Variants in DTNA observed in about 807,000 individuals in gnomAD.
DTNA encodes the protein dystrophin-related protein 3.
Under a neutral mutation model 100.7 loss-of-function variants are expected in DTNA, and 43 were observed. The ratio of observed to expected loss-of-function variants is 0.43; its 90% CI spans 0.33 to 0.55. The LOEUF (loss-of-function observed/expected upper bound fraction) is 0.55, where lower values mean the gene tolerates loss of function less well. Ranked by LOEUF, DTNA falls within the 20% of genes least tolerant of loss-of-function variation. The pLI, the probability that DTNA is intolerant of heterozygous loss-of-function variation, is 0.04. For synonymous variants in DTNA, 349 were observed against 347.9 expected (o/e 1.00, Z -0.04); for missense variants, 798 against 953.9 (o/e 0.84, Z 2.15).
chr18:34,733,229 G>A (rs1208943460), intron 1 of DTNA, among the ~76,000 whole-genome samples: 2 of 152,202 alleles, frequency 1.3e-5, no homozygotes, highest in Non-Finnish European at 2.9e-5. Flanking sequence ...TTCATTCGAA[G>A]GCTTCTGGGT....
chr18:34,775,716 C>T (rs2094010714), intron 3 of DTNA, among the ~76,000 whole-genome samples: 1 of 152,152 alleles, frequency 6.6e-6, no homozygotes, highest in South Asian at 2.1e-4. Context: ...ACTGTGCTAA[C>T]AAATGTCTTG....
chr18:34,831,737 C>T (rs751850455), intron 11 of DTNA, among the ~76,000 whole-genome samples: 1 of 152,136 alleles, frequency 6.6e-6, no homozygotes, highest in African/African-American at 2.4e-5. Context: ...CATTGCACTC[C>T]AGCCGGGACA....
intron 1 of DTNA, among the ~76,000 whole-genome samples, chr18:34,660,513 G>A (rs938670352): frequency 6.6e-6 from 1 of 151,988 alleles, no homozygotes; most frequent in Non-Finnish European, 1.5e-5. Flanking sequence ...GCTATTGCTT[G>A]TGGGGAAAAT....
chr18:34,602,346 T>G (rs1374337143), intron 1 of DTNA, among the ~76,000 whole-genome samples: 1 of 152,160 alleles, frequency 6.6e-6, no homozygotes, highest in Non-Finnish European at 1.5e-5. Flanking sequence ...GAATCTTGGA[T>G]CAAATGAATT....
At chr18:34,576,611 G>T (rs184951537) in intron 1 of DTNA, among the ~76,000 whole-genome samples, 1 of 151,978 alleles carries the variant, frequency 6.6e-6, no homozygotes, top group Admixed American at 6.6e-5. Context: ...GGCACATGCC[G>T]CCATGCCCGG....
intron 1 of DTNA, chr18:34,593,236 G>C (rs1364580924): frequency 6.6e-6 from 1 of 152,272 alleles, no homozygotes; most frequent in African/African-American, 2.4e-5. Flanking sequence ...GAGCGGGGAG[G>C]GAGGGCGCAT....
chr18:34,829,475 T>A lies in DTNA; in HGVS notation c.1161T>A (p.Leu387=). ...HSLIKLYVNQ[L]DHGARSPPKD... ...TCATAAAGCTGTACGTAAATCAGCTTGATCACGGTGCACGGTCAGTATCCC... is the reference window on the plus strand; with the variant it reads ...TCATAAAGCTGTACGTAAATCAGCTAGATCACGGTGCACGGTCAGTATCCC... The change falls in exon 11 of 23, where the codon CTT becomes CTA. Residue 387 remains leucine, a synonymous_variant. Transcript: ENST00000444659. 1 of 1,523,706 alleles carries A rather than the reference T, an allele frequency of 6.6e-7. No individual in the cohort carries two copies. Among genetic ancestry groups the A allele is most frequent in the Non-Finnish European group, 8.8e-7 (1 of 1,137,620 alleles). The allele number at this position is 1,523,706 out of a possible 1,614,324, so 94.4% of individuals were successfully genotyped here.
intron 1 of DTNA, among the ~76,000 whole-genome samples, chr18:34,644,767 G>T (rs1476245178): frequency 1.3e-5 from 2 of 152,060 alleles, no homozygotes; most frequent in Non-Finnish European, 2.9e-5. Context: ...ACTGGCATTA[G>T]CGTTTCCTAG....
chr18:34,722,933 T>C (rs1279202316), intron 1 of DTNA, among the ~76,000 whole-genome samples: 1 of 152,218 alleles, frequency 6.6e-6, no homozygotes, highest in African/African-American at 2.4e-5. Flanking sequence ...CCATTCATCT[T>C]TGATTAACAT....
chr18:34,603,702 T>C (rs1026958719), intron 1 of DTNA, among the ~76,000 whole-genome samples: 2 of 152,202 alleles, frequency 1.3e-5, no homozygotes, highest in Admixed American at 1.3e-4. Flanking sequence ...AGTGATTTGC[T>C]CCATTTTACC....
chr18:34,725,532 T>C (rs1404229177), intron 1 of DTNA, among the ~76,000 whole-genome samples: 1 of 151,942 alleles, frequency 6.6e-6, no homozygotes, highest in African/African-American at 2.4e-5. Flanking sequence ...GAAATGCAAA[T>C]CAAAACCACA....
chr18:34,749,006 A>G lies in DTNA; in HGVS notation c.-1-6970A>G, dbSNP rs537725829. Reference sequence around the variant, plus strand: ...AGCAGTGTTTTATAGTTTTCCTTGTAGGTATTTTTTATTTCTTTGGTTTAG... The same window carrying G: ...AGCAGTGTTTTATAGTTTTCCTTGTGGGTATTTTTTATTTCTTTGGTTTAG... On this transcript the variant is annotated intron_variant, in intron 1 of 22. Transcript: ENST00000444659. Among the ~76,000 whole-genome samples, 22 of 152,158 alleles carry G rather than the reference A, an allele frequency of 1.4e-4. No homozygotes were observed. The South Asian group carries it at 4.6e-3, about 32-fold the overall frequency.
intron 1 of DTNA, among the ~76,000 whole-genome samples, chr18:34,608,073 A>G (rs1335705154): frequency 1.3e-5 from 2 of 152,214 alleles, no homozygotes; most frequent in African/African-American, 4.8e-5. Flanking sequence ...GGTCTCTCCA[A>G]TCCCTGATGA....
At chr18:34,802,987 C>G (rs1240175153) in intron 4 of DTNA, among the ~76,000 whole-genome samples, 2 of 152,126 alleles carry the variant, frequency 1.3e-5, no homozygotes, top group Admixed American at 6.6e-5. Flanking sequence ...TAAAAAAGAT[C>G]CATTTGTATT....
intron 1 of DTNA, among the ~76,000 whole-genome samples, chr18:34,752,801 C>CA (rs1012285805): frequency 4.3e-4 from 65 of 151,486 alleles, no homozygotes; most frequent in African/African-American, 1.4e-3. Context: ...GTTAATTAAT[C>CA]AAAAAAAACA....
chr18:34,876,728 CT>C (rs1469493176), intron 18 of DTNA, among the ~76,000 whole-genome samples: 1 of 152,150 alleles, frequency 6.6e-6, no homozygotes, highest in East Asian at 1.9e-4. Context: ...ACTCTCTACT[CT>C]GAGGGAAAAG....
At chr18:34,676,809 TG>T (rs2077456441) in intron 1 of DTNA, among the ~76,000 whole-genome samples, 1 of 152,200 alleles carries the variant, frequency 6.6e-6, no homozygotes, top group South Asian at 2.1e-4. Context: ...GCACTCAGTA[TG>T]GGTGAGAGAG....
At chr18:34,868,137 A>T in intron 17 of DTNA, 6 of 424,130 alleles carry the variant, frequency 1.4e-5, no homozygotes, top group Non-Finnish European at 1.9e-5. Flanking sequence ...GTTACTCTGC[A>T]TGTTCTGGCA....
At chr18:34,775,432 G>C (rs141160881) in intron 3 of DTNA, among the ~76,000 whole-genome samples, 2,506 of 152,138 alleles carry the variant, frequency 0.016, 77 homozygotes, top group African/African-American at 0.056. Context: ...CTTGCAGTGA[G>C]CCAAGATTGC....
Sources: gnomAD v4.1 joint callset for allele counts (sites outside exome capture counted in the v4.1 genomes callset) on GRCh38, gnomAD v4.1.1 for gene constraint, MANE v1.5 for transcripts, NCBI Gene and HGNC (gene_info 2026-07-23, HGNC 2026-07-21) for gene names.